Variants in PHB1 observed in about 807,000 individuals in gnomAD.
The protein encoded by PHB1 is prohibitin 1, also known as epididymis luminal protein 215.
chr17:49,409,050 C>G, the PHB1 span: 2 of 1,595,292 alleles, frequency 1.3e-6, no homozygotes, highest in Non-Finnish European at 1.7e-6. Context: ...ACCAAGGACA[C>G]GTCATCCAGG....
the PHB1 span, chr17:49,411,850 A>C: frequency 1.2e-6 from 2 of 1,612,514 alleles, no homozygotes; most frequent in Non-Finnish European, 1.7e-6. Flanking sequence ...CTAGGAAGAA[A>C]GGACAATGAC....
At chr17:49,409,605 A>C in the PHB1 span, 1 of 697,960 alleles carries the variant, frequency 1.4e-6, no homozygotes, top group Non-Finnish European at 2.3e-6. Context: ...ACAATGGGAC[A>C]ATCTCGGCTC....
the PHB1 span, chr17:49,408,717 G>A: frequency 2.2e-5 from 5 of 230,912 alleles, no homozygotes; most frequent in South Asian, 3.7e-4. Flanking sequence ...GTCTCTACCA[G>A]GCAGTTTCTG....
At chr17:49,410,053 CTG>C in the PHB1 span, among the ~76,000 whole-genome samples, 1 of 151,426 alleles carries the variant, frequency 6.6e-6, no homozygotes, top group Non-Finnish European at 1.5e-5. Flanking sequence ...CAGCTAATCT[CTG>C]TACTTTTTGT....
At chr17:49,407,669 T>C in the PHB1 span, among the ~76,000 whole-genome samples, 1 of 152,196 alleles carries the variant, frequency 6.6e-6, no homozygotes, top group Non-Finnish European at 1.5e-5. Context: ...GAGAAGAGCA[T>C]TGGTTTTGCC....
chr17:49,406,309 A>G, the PHB1 span, among the ~76,000 whole-genome samples: 1 of 152,266 alleles, frequency 6.6e-6, no homozygotes, highest in Non-Finnish European at 1.5e-5. Context: ...CCAGGCTGCT[A>G]CGCAAATACA....
the PHB1 span, chr17:49,411,714 G>A: frequency 1.9e-6 from 3 of 1,613,966 alleles, no homozygotes; most frequent in South Asian, 1.1e-5. Flanking sequence ...TTACGTGGTC[G>A]AGAACGGCAG....
chr17:49,409,336 C>T, the PHB1 span: 1 of 1,614,184 alleles, frequency 6.2e-7, no homozygotes, highest in Non-Finnish European at 8.5e-7. Context: ...CTCACCACCA[C>T]TGACTTGAGG....
chr17:49,413,964 G>C, the PHB1 span, among the ~76,000 whole-genome samples: 2 of 152,072 alleles, frequency 1.3e-5, no homozygotes, highest in African/African-American at 4.8e-5. Context: ...AAAAGAGGCT[G>C]TGAGGTTAGA....
the PHB1 span, among the ~76,000 whole-genome samples, chr17:49,413,724 G>A: frequency 6.6e-6 from 1 of 151,950 alleles, no homozygotes; most frequent in Admixed American, 6.6e-5. Flanking sequence ...TGCCCCAGGT[G>A]GTCTCAAACT....
At chr17:49,406,877 A>G in the PHB1 span, 23 of 1,544,132 alleles carry the variant, frequency 1.5e-5, no homozygotes, top group Non-Finnish European at 2.1e-5. Flanking sequence ...AGTGAGCACA[A>G]GATGAGGCAG....
At chr17:49,406,791 C>T in the PHB1 span, 4 of 1,613,874 alleles carry the variant, frequency 2.5e-6, no homozygotes, top group Non-Finnish European at 3.4e-6. Context: ...CTCTCTGCTT[C>T]CTGCTGAGCC....
the PHB1 span, chr17:49,409,035 A>T: frequency 6.4e-7 from 1 of 1,569,960 alleles, no homozygotes. Context: ...CTCCCGAAGG[A>T]TCTTACCAAG....
the PHB1 span, chr17:49,406,682 G>A: frequency 3.0e-6 from 3 of 1,002,810 alleles, no homozygotes; most frequent in South Asian, 2.6e-5. Flanking sequence ...TGAATTTCCA[G>A]GCCACCCAGC....
At chr17:49,406,774 T>C in the PHB1 span, 1 of 1,613,376 alleles carries the variant, frequency 6.2e-7, no homozygotes, top group Non-Finnish European at 8.5e-7. Flanking sequence ...CCACCACAAA[T>C]CTGGCCCTCT....
chr17:49,410,183 A>ATTTTTAT, the PHB1 span, among the ~76,000 whole-genome samples: 2 of 152,022 alleles, frequency 1.3e-5, no homozygotes, highest in Non-Finnish European at 2.9e-5. Context: ...ACGCCTGGCA[A>ATTTTTAT]TTTTTATTTT....
At chr17:49,414,498 G>C in the PHB1 span, among the ~76,000 whole-genome samples, 1 of 152,006 alleles carries the variant, frequency 6.6e-6, no homozygotes, top group Non-Finnish European at 1.5e-5. Context: ...CACCGTCGTT[G>C]CCCGCTCCAG....
chr17:49,409,543 G>GC, the PHB1 span: 1 of 838,008 alleles, frequency 1.2e-6, no homozygotes, highest in Non-Finnish European at 1.7e-6. Context: ...TTTTTTTTTT[G>GC]TTTTTTTTTT....
chr17:49,404,924 A>C, the PHB1 span: 2 of 1,040,514 alleles, frequency 1.9e-6, no homozygotes, highest in South Asian at 1.4e-5. Context: ...GAGCAGAAGG[A>C]AGGCTGTGTT....
Sources: allele counts gnomAD v4.1 joint callset (sites outside exome capture counted in the v4.1 genomes callset), GRCh38; gene constraint gnomAD v4.1.1; transcripts MANE v1.5; gene names NCBI Gene and HGNC (gene_info 2026-07-23, HGNC 2026-07-21).